The following ENPP6 variants were observed in gnomAD, a reference collection of about 807,000 sequenced individuals.
The protein encoded by ENPP6 is glycerophosphocholine cholinephosphodiesterase ENPP6.
A neutral mutation model predicts 42.0 loss-of-function variants in ENPP6; 32 were observed. The ratio of observed to expected loss-of-function variants is 0.76; its 90% CI spans 0.58 to 1.02. The LOEUF (loss-of-function observed/expected upper bound fraction) is 1.02, where lower values mean the gene tolerates loss of function less well. Ranked by LOEUF, ENPP6 falls within the 50% of genes least tolerant of loss-of-function variation. ENPP6 has a pLI of 0.00. For synonymous variants in ENPP6, 213 were observed against 216.0 expected (o/e 0.99, Z 0.12); for missense variants, 552 against 566.8 (o/e 0.97, Z 0.27).
chr4:184,132,035 T>C (rs1286225244), intron 2 of ENPP6, among the ~76,000 whole-genome samples: 1 of 152,076 alleles, frequency 6.6e-6, no homozygotes, highest in Non-Finnish European at 1.5e-5. Flanking sequence ...AGCGATTAGG[T>C]AGGAAGGAGT....
At chr4:184,137,732 A>G (rs375989534) in intron 2 of ENPP6, among the ~76,000 whole-genome samples, 131 of 152,322 alleles carry the variant, frequency 8.6e-4, no homozygotes, top group African/African-American at 3.0e-3. Context: ...TCCAACTGAA[A>G]GTCTGGATTT....
At chr4:184,137,894 C>T (rs1488167840) in intron 2 of ENPP6, among the ~76,000 whole-genome samples, 2 of 152,210 alleles carry the variant, frequency 1.3e-5, no homozygotes, top group African/African-American at 4.8e-5. Flanking sequence ...CTGGATGCAC[C>T]TCTTTCTCCA....
At chr4:184,147,860 T>C (rs1736955557) in intron 2 of ENPP6, among the ~76,000 whole-genome samples, 1 of 150,660 alleles carries the variant, frequency 6.6e-6, no homozygotes, top group African/African-American at 2.4e-5. Context: ...TCAGCCTCTC[T>C]CCACCTTATC....
In ENPP6 at chr4:184,132,224, C is replaced by T. The variant is rs546237639; in HGVS notation, c.422-7952G>A. Among the ~76,000 whole-genome samples, 9 of 152,240 alleles carry T rather than the reference C, an allele frequency of 5.9e-5. No individual in the cohort carries two copies. The East Asian group carries it at 7.7e-4, about 13-fold the overall frequency. ...TATTTAATCTGGGGACCCCTCTACCCGTCAAGTTGACACATAAAAATAACC... is the reference window on the plus strand; with the variant it reads ...TATTTAATCTGGGGACCCCTCTACCTGTCAAGTTGACACATAAAAATAACC... On this transcript the variant is annotated intron_variant, in intron 2 of 7. Transcript: ENST00000296741.
intron 2 of ENPP6, among the ~76,000 whole-genome samples, chr4:184,126,878 T>A (rs1025860230): frequency 6.6e-6 from 1 of 152,190 alleles, no homozygotes; most frequent in African/African-American, 2.4e-5. Context: ...AGAAATATGG[T>A]CTTTCTGGGG....
chr4:184,152,260 T>C lies in ENPP6; in HGVS notation c.421+1294A>G, dbSNP rs1287082942. On this transcript the variant is annotated intron_variant, in intron 2 of 7. Transcript: ENST00000296741. The stretch of plus-strand genomic sequence containing the variant: ...GTTCCATGTACCTCTGAGAGTTGCA[T>C]AGCCTGGAGTGCCCCAGCAGCTCCC... Among the ~76,000 whole-genome samples the C allele has an allele frequency of 3.9e-5, 6 of 152,278 alleles. No individual in the cohort carries two copies. In the South Asian group the frequency reaches 1.0e-3, roughly 26 times the overall value.
intron 6 of ENPP6, among the ~76,000 whole-genome samples, chr4:184,100,515 A>G (rs1735980613): frequency 1.3e-5 from 2 of 152,150 alleles, no homozygotes; most frequent in Non-Finnish European, 2.9e-5. Flanking sequence ...AGCCCTCCAG[A>G]TCTGGCCGAA....
intron 2 of ENPP6, among the ~76,000 whole-genome samples, chr4:184,135,470 A>G (rs1223421057): frequency 6.6e-6 from 1 of 152,250 alleles, no homozygotes; most frequent in Non-Finnish European, 1.5e-5. Context: ...TTCTAGCATT[A>G]GAGTCTACAT....
In ENPP6 at chr4:184,091,346, G is replaced by C; in HGVS notation, c.1154C>G (p.Ser385Trp). Residue 385 changes from serine (S) to tryptophan (W), a missense_variant, in exon 8 of 8, where the codon TCG becomes TGG. Around this residue, in one of 2 missense-constraint regions of ENPP6, gnomAD observed 545 missense variants for 546.3 expected, o/e 1.00. Transcript: ENST00000296741. ...KSNFRAAPIRSVDVYNVMCNV... is the reference protein window; with the variant it reads ...KSNFRAAPIRWVDVYNVMCNV... Reference sequence around the variant, plus strand: ...GCACATGACATTGTAGACGTCCACCGACCTGATAGGAGCAGCTCTGAAGTT... The same window carrying C: ...GCACATGACATTGTAGACGTCCACCCACCTGATAGGAGCAGCTCTGAAGTT... The C allele has an allele frequency of 6.2e-7, 1 of 1,612,828 alleles. No homozygotes were observed. The highest frequency in any genetic ancestry group is 8.5e-7 in the Non-Finnish European group (1 of 1,179,650).
chr4:184,193,815 C>T (rs1015880382), intron 1 of ENPP6, among the ~76,000 whole-genome samples: 1 of 152,170 alleles, frequency 6.6e-6, no homozygotes, highest in Non-Finnish European at 1.5e-5. Flanking sequence ...CATTTTTCCT[C>T]CTTTCCAGCT....
intron 1 of ENPP6, among the ~76,000 whole-genome samples, chr4:184,157,569 T>TCTTTCCTTTTTTTCCTTC (rs1362763188): frequency 6.6e-6 from 1 of 150,860 alleles, no homozygotes; most frequent in African/African-American, 2.4e-5. Flanking sequence ...TTCTTTCCTT[T>TCTTTCCTTTTTTTCCTTC]CTTTCCTTTT....
intron 1 of ENPP6, among the ~76,000 whole-genome samples, chr4:184,166,895 G>C (rs1737358370): frequency 6.6e-6 from 1 of 152,206 alleles, no homozygotes; most frequent in African/African-American, 2.4e-5. Context: ...CCTCACACTA[G>C]TAGGTGGCTA....
intron 2 of ENPP6, among the ~76,000 whole-genome samples, chr4:184,136,460 T>C (rs1165493294): frequency 6.6e-6 from 1 of 152,206 alleles, no homozygotes; most frequent in African/African-American, 2.4e-5. Flanking sequence ...ATCTCTGTGC[T>C]TCCATCTGTG....
chr4:184,153,486 C>G, intron 2 of ENPP6, 68 bp downstream of exon 2: 1 of 1,488,566 alleles, frequency 6.7e-7, no homozygotes, highest in Non-Finnish European at 9.0e-7. Flanking sequence ...CAAACAGTAA[C>G]TTGACACCGA....
chr4:184,093,049 C>T (rs1019339761), intron 7 of ENPP6, among the ~76,000 whole-genome samples: 1 of 152,140 alleles, frequency 6.6e-6, no homozygotes, highest in Non-Finnish European at 1.5e-5. Flanking sequence ...ACGTTTTGCT[C>T]CCTTTGGAGA....
intron 2 of ENPP6, among the ~76,000 whole-genome samples, chr4:184,131,983 G>C (rs562124323): frequency 1.1e-4 from 16 of 152,250 alleles, no homozygotes; most frequent in Admixed American, 5.2e-4. Flanking sequence ...GAAGGCCTGA[G>C]AACCAGGAGA....
intron 1 of ENPP6, among the ~76,000 whole-genome samples, chr4:184,155,293 T>C (rs1430025542): frequency 6.6e-6 from 1 of 152,236 alleles, no homozygotes; most frequent in Non-Finnish European, 1.5e-5. Context: ...ATTTCCTTTA[T>C]TCAAAATTTT....
At chr4:184,112,942 T>C in intron 5 of ENPP6, 133 bp from the exon 6 acceptor site, 1 of 1,104,228 alleles carries the variant, frequency 9.1e-7, no homozygotes, top group Non-Finnish European at 1.2e-6. Context: ...TAGATTTGAA[T>C]ATGTAAAAAC....
chr4:184,104,485 G>T (rs566563044), intron 6 of ENPP6, among the ~76,000 whole-genome samples: 117 of 152,286 alleles, frequency 7.7e-4, no homozygotes, highest in Admixed American at 3.2e-3. Flanking sequence ...GAGCATGGTG[G>T]CATAAAATGG....
Sources: gnomAD v4.1 joint callset for allele counts (sites outside exome capture counted in the v4.1 genomes callset) on GRCh38, gnomAD v4.1.1 for gene constraint, gnomAD v4.1.1 regional missense constraint, MANE v1.5 for transcripts, NCBI Gene and HGNC (gene_info 2026-07-23, HGNC 2026-07-21) for gene names.